RARS2: variants seen among roughly 807,000 people sequenced by gnomAD.
RARS2 encodes the protein arginyl-tRNA synthetase 2, mitochondrial, also known as probable arginine--tRNA ligase, mitochondrial.
In RARS2, 67 loss-of-function variants were observed where a neutral mutation model predicts 88.5. That is an observed-to-expected ratio of 0.76 (90% CI 0.62 to 0.93). RARS2 has a LOEUF of 0.93. Ranked by LOEUF, RARS2 falls within the 40% of genes least tolerant of loss-of-function variation. RARS2 has a pLI of 0.00. For missense variants in RARS2, 664 were observed against 684.2 expected (o/e 0.97, Z 0.33); for synonymous variants, 239 against 230.3 (o/e 1.04, Z -0.34).
Position 87,574,760 on chromosome 6 carries a change from A to T in RARS2, c.37-5170T>A, listed in dbSNP as rs1770860846. On this transcript the variant is annotated intron_variant, in intron 1 of 19. Coordinates refer to ENST00000369536, the MANE Select transcript of RARS2 (RefSeq NM_020320.5). ...GTGAATAAAATAAACAAGAACTAAA[A>T]GACAAGATGAAAAAACAGGAGTGAA... is the stretch of plus-strand genomic sequence containing the variant. 2.0e-5 allele frequency among the ~76,000 whole-genome samples: 3 copies of T among 152,348 alleles called. No individual in the cohort carries two copies. The South Asian group carries it at 6.2e-4, about 32-fold the overall frequency.
chr6:87,545,089 T>A (rs1782199069), intron 7 of RARS2, among the ~76,000 whole-genome samples: 1 of 152,174 alleles, frequency 6.6e-6, no homozygotes, highest in African/African-American at 2.4e-5. Context: ...AAAGCCTACA[T>A]CAGGTCTTAC....
chr6:87,526,456 T>C (rs1197819696), intron 10 of RARS2, among the ~76,000 whole-genome samples: 1 of 151,308 alleles, frequency 6.6e-6, no homozygotes, highest in East Asian at 1.9e-4. Flanking sequence ...GTGGAGGTTG[T>C]AGTGAGCCAA....
intron 1 of RARS2, among the ~76,000 whole-genome samples, chr6:87,586,637 A>G (rs1375125036): frequency 6.6e-6 from 1 of 152,234 alleles, no homozygotes; most frequent in Non-Finnish European, 1.5e-5. Flanking sequence ...GGGACTGATG[A>G]CAGTGCTTAG....
chr6:87,542,675 C>T (rs1245242581), intron 7 of RARS2, among the ~76,000 whole-genome samples: 1 of 144,400 alleles, frequency 6.9e-6, no homozygotes, highest in Non-Finnish European at 1.5e-5. Flanking sequence ...AAAAAAAACC[C>T]AAACACCAAA....
At chr6:87,559,920 T>C (rs1345852375) in intron 4 of RARS2, among the ~76,000 whole-genome samples, 1 of 152,228 alleles carries the variant, frequency 6.6e-6, no homozygotes, top group African/African-American at 2.4e-5. Flanking sequence ...TGTTTAGACA[T>C]GTTAAGATAC....
At chr6:87,557,089 A>G (rs567401211) in intron 4 of RARS2, among the ~76,000 whole-genome samples, 93 of 152,296 alleles carry the variant, frequency 6.1e-4, no homozygotes, top group Non-Finnish European at 1.1e-3. Context: ...GACATTTAAG[A>G]AGCATAAAGT....
At chr6:87,555,264 C>T (rs1209302717) in intron 5 of RARS2, 144 bp downstream of exon 5, 1 of 626,102 alleles carries the variant, frequency 1.6e-6, no homozygotes, top group East Asian at 2.8e-5. Context: ...GATTGATTCA[C>T]TGTGATTTCA....
At chr6:87,531,619 GT>G (rs377172715) in intron 8 of RARS2, among the ~76,000 whole-genome samples, 12 of 152,224 alleles carry the variant, frequency 7.9e-5, no homozygotes, top group African/African-American at 2.9e-4. Context: ...CTCTTCTGGA[GT>G]TTTATTTTGC....
At chr6:87,544,231 G>A (rs372651785) in intron 7 of RARS2, among the ~76,000 whole-genome samples, 144 of 152,312 alleles carry the variant, frequency 9.5e-4, no homozygotes, top group African/African-American at 3.3e-3. Context: ...TTGAGCCTAG[G>A]GCCTAGCCCT....
chr6:87,578,865 CA>C, intron 1 of RARS2, among the ~76,000 whole-genome samples: 1 of 134,834 alleles, frequency 7.4e-6, no homozygotes, highest in East Asian at 2.4e-4. Context: ...GAAGCTGAGG[CA>C]GGAGAATCAC....
intron 2 of RARS2, among the ~76,000 whole-genome samples, chr6:87,569,289 A>G (rs912217961): frequency 1.3e-5 from 2 of 152,204 alleles, no homozygotes; most frequent in Non-Finnish European, 2.9e-5. Flanking sequence ...AACTAAAATA[A>G]TGAACATAAG....
intron 6 of RARS2, among the ~76,000 whole-genome samples, chr6:87,547,203 C>T (rs1353705595): frequency 6.6e-6 from 1 of 152,192 alleles, no homozygotes; most frequent in Non-Finnish European, 1.5e-5. Flanking sequence ...ACAACTTTAT[C>T]ATACCCTACC....
chr6:87,564,934 C>T (rs559716209), intron 2 of RARS2, among the ~76,000 whole-genome samples: 1 of 123,004 alleles, frequency 8.1e-6, no homozygotes, highest in African/African-American at 3.0e-5. Flanking sequence ...GGCATGTGCC[C>T]GTAAGCCCAG....
At chr6:87,569,398 T>A in intron 2 of RARS2, 119 bp downstream of exon 2, 1 of 762,700 alleles carries the variant, frequency 1.3e-6, no homozygotes, top group Non-Finnish European at 2.3e-6. Context: ...AATCATATCT[T>A]ACAGTTAATT....
chr6:87,557,886 A>T (rs1786501347), intron 4 of RARS2, among the ~76,000 whole-genome samples: 2 of 152,150 alleles, frequency 1.3e-5, no homozygotes, highest in Non-Finnish European at 2.9e-5. Context: ...TTAAGATTTC[A>T]AATACTTGGC....
chr6:87,519,053 C>T, intron 14 of RARS2, 162 bp from the exon 15 acceptor site: 1 of 707,270 alleles, frequency 1.4e-6, no homozygotes, highest in South Asian at 1.5e-5. Flanking sequence ...TTGATAATGA[C>T]ATTTCCCCTG....
intron 3 of RARS2, among the ~76,000 whole-genome samples, chr6:87,563,204 G>C (rs950930047): frequency 6.6e-6 from 1 of 152,208 alleles, no homozygotes; most frequent in East Asian, 1.9e-4. Flanking sequence ...ATGTAATTTA[G>C]ATAGTCTGTC....
chr6:87,579,227 A>G (rs2085444076), intron 1 of RARS2, among the ~76,000 whole-genome samples: 1 of 152,134 alleles, frequency 6.6e-6, no homozygotes. Flanking sequence ...TTTGCCGTAT[A>G]TGGGAATGAC....
intron 1 of RARS2, among the ~76,000 whole-genome samples, chr6:87,581,933 C>T (rs1188415371): frequency 6.6e-6 from 1 of 152,160 alleles, no homozygotes; most frequent in Admixed American, 6.5e-5. Context: ...GACATGATCT[C>T]GTTCCTTTTT....
Sources: allele counts gnomAD v4.1 joint callset (sites outside exome capture counted in the v4.1 genomes callset), GRCh38; gene constraint gnomAD v4.1.1; transcripts MANE v1.5; gene names NCBI Gene and HGNC (gene_info 2026-07-23, HGNC 2026-07-21).